EXOC4: variants seen among roughly 807,000 people sequenced by gnomAD.
The protein encoded by EXOC4 is exocyst complex component 4, also known as SEC8-like 1.
A neutral mutation model predicts 107.2 loss-of-function variants in EXOC4; 71 were observed. That is an observed-to-expected ratio of 0.66 (90% CI 0.55 to 0.81). The LOEUF is 0.81. Among genes scored for constraint, EXOC4 ranks in the 30% least tolerant of loss-of-function variants. EXOC4 has a pLI of 0.00. For synonymous variants in EXOC4, 456 were observed against 441.2 expected (o/e 1.03, Z -0.42); for missense variants, 1,108 against 1,189.6 (o/e 0.93, Z 1.01).
chr7:133,655,020 G>A (rs1187471357), intron 10 of EXOC4, among the ~76,000 whole-genome samples: 1 of 152,128 alleles, frequency 6.6e-6, no homozygotes, highest in East Asian at 1.9e-4. Flanking sequence ...TGCTCTGGGT[G>A]AGTCAGTGAG....
intron 10 of EXOC4, among the ~76,000 whole-genome samples, chr7:133,744,575 A>G (rs1795636482): frequency 6.6e-6 from 1 of 152,192 alleles, no homozygotes; most frequent in Non-Finnish European, 1.5e-5. Context: ...ACATGCCCAA[A>G]GGCATTGAAA....
chr7:133,905,443 C>T (rs1252712007), intron 12 of EXOC4, among the ~76,000 whole-genome samples: 1 of 152,156 alleles, frequency 6.6e-6, no homozygotes, highest in Non-Finnish European at 1.5e-5. Flanking sequence ...CTGTACTGCT[C>T]CTCATTAGGA....
chr7:133,529,765 G>A (rs1800147248), intron 9 of EXOC4, among the ~76,000 whole-genome samples: 2 of 152,078 alleles, frequency 1.3e-5, no homozygotes, highest in Admixed American at 6.6e-5. Context: ...AAAGATAAGA[G>A]GAACCATGTT....
chr7:133,671,832 C>T lies in EXOC4; in HGVS notation c.1514+41691C>T, dbSNP rs183558559. Among the ~76,000 whole-genome samples the T allele has an allele frequency of 1.2e-4, 19 of 152,230 alleles. 1 individual carries two copies. In the East Asian group the frequency reaches 3.5e-3, roughly 28 times the overall value. On this transcript the variant is annotated intron_variant, in intron 10 of 17. Coordinates refer to ENST00000253861, the MANE Select transcript of EXOC4 (RefSeq NM_021807.4). The stretch of plus-strand genomic sequence containing the variant: ...TAACAGCACAATGGAAATGTAATTT[C>T]AGAAGACCATAGGAAGACTACAGGA...
chr7:133,391,066 C>T (rs954110162), intron 7 of EXOC4, among the ~76,000 whole-genome samples: 2 of 152,148 alleles, frequency 1.3e-5, no homozygotes, highest in African/African-American at 4.8e-5. Context: ...TGTAATAGTT[C>T]TGGGCTTCCC....
At chr7:133,871,135 CTA>C (rs1045530026) in intron 11 of EXOC4, among the ~76,000 whole-genome samples, 1 of 152,134 alleles carries the variant, frequency 6.6e-6, no homozygotes, top group Admixed American at 6.5e-5. Context: ...TCAGGATTAT[CTA>C]TGTTCTTCAG....
At chr7:133,968,203 C>T (rs1345559434) in intron 14 of EXOC4, among the ~76,000 whole-genome samples, 1 of 152,020 alleles carries the variant, frequency 6.6e-6, no homozygotes, top group African/African-American at 2.4e-5. Context: ...GGTAAATATT[C>T]CTCCATCCCT....
chr7:133,406,018 T>A (rs1387422731), intron 7 of EXOC4, among the ~76,000 whole-genome samples: 1 of 152,214 alleles, frequency 6.6e-6, no homozygotes, highest in Non-Finnish European at 1.5e-5. Flanking sequence ...AGATAAACTA[T>A]GTCCATTATT....
chr7:133,461,319 T>C (rs1288714025), intron 7 of EXOC4, among the ~76,000 whole-genome samples: 1 of 152,206 alleles, frequency 6.6e-6, no homozygotes, highest in East Asian at 1.9e-4. Context: ...GTCTTTACAA[T>C]GTTCCCCTTA....
intron 8 of EXOC4, among the ~76,000 whole-genome samples, chr7:133,475,742 A>T (rs745463028): frequency 6.6e-6 from 1 of 151,726 alleles, no homozygotes; most frequent in Non-Finnish European, 1.5e-5. Flanking sequence ...GAGAAATGAA[A>T]CTCCCCAATT....
At chr7:133,831,634 G>T (rs937516639) in intron 11 of EXOC4, among the ~76,000 whole-genome samples, 1 of 149,886 alleles carries the variant, frequency 6.7e-6, no homozygotes, top group African/African-American at 2.5e-5. Flanking sequence ...TATATTGCCT[G>T]CCCCAGCCCT....
intron 10 of EXOC4, among the ~76,000 whole-genome samples, chr7:133,681,011 T>C (rs1585074901): frequency 6.6e-6 from 1 of 152,216 alleles, no homozygotes; most frequent in African/African-American, 2.4e-5. Context: ...TGGTCAGTAC[T>C]GTGAGGGCTC....
chr7:133,455,797 C>G (rs181077103), intron 7 of EXOC4, among the ~76,000 whole-genome samples: 1 of 152,138 alleles, frequency 6.6e-6, no homozygotes, highest in Non-Finnish European at 1.5e-5. Context: ...AAAGATTGAA[C>G]GATCTATCTG....
intron 6 of EXOC4, among the ~76,000 whole-genome samples, chr7:133,362,828 C>G (rs1031767156): frequency 6.6e-6 from 1 of 152,252 alleles, no homozygotes; most frequent in Non-Finnish European, 1.5e-5. Context: ...TTCGTTTTAT[C>G]TCTTCTTTCT....
intron 7 of EXOC4, among the ~76,000 whole-genome samples, chr7:133,423,385 T>C (rs1797648094): frequency 6.6e-6 from 1 of 152,224 alleles, no homozygotes; most frequent in Non-Finnish European, 1.5e-5. Flanking sequence ...AGATATTCTG[T>C]GTCGTCTTTT....
intron 7 of EXOC4, among the ~76,000 whole-genome samples, chr7:133,473,345 T>G (rs969805729): frequency 1.3e-5 from 2 of 152,166 alleles, no homozygotes; most frequent in Non-Finnish European, 2.9e-5. Flanking sequence ...TAAAAAATAT[T>G]TACCAGTCTG....
At chr7:133,463,005 A>C (rs527950520) in intron 7 of EXOC4, among the ~76,000 whole-genome samples, 1 of 152,282 alleles carries the variant, frequency 6.6e-6, no homozygotes, top group Admixed American at 6.5e-5. Flanking sequence ...CATTGGGTTT[A>C]ATCTGGTAGC....
rs141994461 is a variant in EXOC4, at chr7:133,272,243, A to G, written c.87-2739A>G. On this transcript the variant is annotated intron_variant, in intron 1 of 17. Coordinates refer to ENST00000253861, the MANE Select transcript of EXOC4 (RefSeq NM_021807.4). ...GAGTAGTCAGTAGGGTGGAGCCACAATTCTAACCCAGGCAGCTTTACTCTG... is the reference window on the plus strand; with the variant it reads ...GAGTAGTCAGTAGGGTGGAGCCACAGTTCTAACCCAGGCAGCTTTACTCTG... Among the ~76,000 whole-genome samples the G allele has an allele frequency of 2.2e-4, 33 of 152,312 alleles. 3 individuals are homozygous for G. The highest frequency in any genetic ancestry group is 7.5e-4 in the African/African-American group (31 of 41,578).
At chr7:133,504,558 T>A (rs185908599) in intron 9 of EXOC4, among the ~76,000 whole-genome samples, 25 of 152,208 alleles carry the variant, frequency 1.6e-4, no homozygotes, top group African/African-American at 5.5e-4. Flanking sequence ...CTTTGCTTGA[T>A]TTGCTGTATG....
Sources: allele counts gnomAD v4.1 joint callset (sites outside exome capture counted in the v4.1 genomes callset), GRCh38; gene constraint gnomAD v4.1.1; transcripts MANE v1.5; gene names NCBI Gene and HGNC (gene_info 2026-07-23, HGNC 2026-07-21).